ITSN1: variants seen among roughly 807,000 people sequenced by gnomAD.
ITSN1 encodes intersectin 1, also known as intersectin-1.
Under a neutral mutation model 239.8 loss-of-function variants are expected in ITSN1, and 58 were observed. The ratio of observed to expected loss-of-function variants is 0.24; its 90% CI spans 0.20 to 0.30. The LOEUF (loss-of-function observed/expected upper bound fraction) is 0.30. Ranked by LOEUF, ITSN1 falls within the 10% of genes least tolerant of loss-of-function variation. The pLI, the probability that ITSN1 is intolerant of heterozygous loss-of-function variation, is 1.00. For missense variants in ITSN1, 1,558 were observed against 2,103.3 expected (o/e 0.74, Z 5.07); for synonymous variants, 780 against 770.8 (o/e 1.01, Z -0.20).
chr21:33,768,316 C>G (rs908251977), intron 11 of ITSN1, among the ~76,000 whole-genome samples: 1 of 152,164 alleles, frequency 6.6e-6, no homozygotes, highest in African/African-American at 2.4e-5. Context: ...GAGTCTCACT[C>G]TGTTACCCAG....
intron 1 of ITSN1, among the ~76,000 whole-genome samples, chr21:33,714,642 A>G (rs929314439): frequency 3.9e-5 from 6 of 152,190 alleles, no homozygotes; most frequent in South Asian, 4.1e-4. Flanking sequence ...ATCTATATCT[A>G]TAAGTAAAAA....
chr21:33,735,243 A>G (rs2066424302), intron 5 of ITSN1, 39 bp downstream of exon 5: 2 of 1,582,992 alleles, frequency 1.3e-6, no homozygotes, highest in Admixed American at 1.7e-5. Context: ...ATTTTCTTGT[A>G]TATTTTAAAA....
intron 1 of ITSN1, among the ~76,000 whole-genome samples, chr21:33,693,313 A>G (rs1453393707): frequency 1.3e-5 from 2 of 148,718 alleles, no homozygotes; most frequent in Non-Finnish European, 1.5e-5. Context: ...CTTTGCTCAT[A>G]CCCTTCTTGC....
At chr21:33,748,153 T>G (rs1461807094) in intron 5 of ITSN1, among the ~76,000 whole-genome samples, 1 of 152,152 alleles carries the variant, frequency 6.6e-6, no homozygotes, top group Non-Finnish European at 1.5e-5. Context: ...GAGATTTTAA[T>G]CCCTACAACA....
chr21:33,783,085 A>C (rs1460153551), intron 16 of ITSN1, among the ~76,000 whole-genome samples: 1 of 152,236 alleles, frequency 6.6e-6, no homozygotes, highest in African/African-American at 2.4e-5. Context: ...TCTTATAAAC[A>C]ATCATATACT....
intron 16 of ITSN1, among the ~76,000 whole-genome samples, chr21:33,793,993 A>T (rs959322992): frequency 2.6e-5 from 4 of 152,230 alleles, no homozygotes; most frequent in African/African-American, 9.7e-5. Flanking sequence ...CTTAAGTTTT[A>T]TTCATGATCA....
chr21:33,715,464 T>TA (rs1265130600), intron 1 of ITSN1, among the ~76,000 whole-genome samples: 1 of 152,208 alleles, frequency 6.6e-6, no homozygotes, highest in Non-Finnish European at 1.5e-5. Context: ...ATCCAGAGCT[T>TA]ACCATTTTTG....
intron 1 of ITSN1, among the ~76,000 whole-genome samples, chr21:33,689,078 G>T (rs967483484): frequency 3.3e-5 from 5 of 152,160 alleles, no homozygotes; most frequent in Admixed American, 2.6e-4. Context: ...CTCCCAAAGT[G>T]CTGGGATTAC....
At chr21:33,776,989 C>T (rs769283102) in intron 14 of ITSN1, among the ~76,000 whole-genome samples, 7 of 151,622 alleles carry the variant, frequency 4.6e-5, no homozygotes, top group Non-Finnish European at 1.0e-4. Flanking sequence ...CTTTGACTAC[C>T]CCATGACTGC....
chr21:33,753,849 A>G (rs1343791730), intron 7 of ITSN1, among the ~76,000 whole-genome samples: 1 of 151,258 alleles, frequency 6.6e-6, no homozygotes, highest in East Asian at 2.0e-4. Flanking sequence ...CAATTTTGAA[A>G]TCTGCTTTAT....
chr21:33,772,279 C>T lies in ITSN1; in HGVS notation c.1261C>T (p.Arg421Trp), dbSNP rs1308860031. ...ACTGGAAAAGCAGCGGGAGCTAGAACGGCAGAGAGAGGAGGAGAGGAGGAA... is the reference window on the plus strand; with the variant it reads ...ACTGGAAAAGCAGCGGGAGCTAGAATGGCAGAGAGAGGAGGAGAGGAGGAA... ...KQLEKQRELE[R>W]QREEERRKEI... The change falls in exon 12 of 40, where the codon CGG becomes TGG. Residue 421 changes from arginine to tryptophan, a missense_variant. Arg to Trp is a moderately radical substitution (Grantham distance 101). Transcript: ENST00000381318. 1.3e-5 allele frequency: 20 copies of T among 1,574,082 alleles called. No homozygotes were observed. Among genetic ancestry groups the T allele is most frequent in the African/African-American group, 4.1e-5 (3 of 73,966 alleles).
intron 11 of ITSN1, among the ~76,000 whole-genome samples, chr21:33,771,326 C>G (rs562705918): frequency 2.6e-5 from 4 of 152,160 alleles, no homozygotes; most frequent in Non-Finnish European, 5.9e-5. Flanking sequence ...GCATGCTGCA[C>G]AGGGTGGCAA....
chr21:33,850,340 T>C (rs1247883436), intron 29 of ITSN1, among the ~76,000 whole-genome samples: 4 of 152,204 alleles, frequency 2.6e-5, no homozygotes, highest in Non-Finnish European at 5.9e-5. Flanking sequence ...GTGGGATACC[T>C]GAGCTCTGCT....
At chr21:33,793,635 A>G (rs1332169429) in intron 16 of ITSN1, among the ~76,000 whole-genome samples, 1 of 152,214 alleles carries the variant, frequency 6.6e-6, no homozygotes, top group Non-Finnish European at 1.5e-5. Context: ...AATTACTGCT[A>G]TTCCTGCAGC....
At chr21:33,765,489 G>T (rs571167508) in intron 9 of ITSN1, among the ~76,000 whole-genome samples, 1 of 152,308 alleles carries the variant, frequency 6.6e-6, no homozygotes, top group Admixed American at 6.5e-5. Context: ...CATGACTGCA[G>T]TGAGTCTGCA....
At chr21:33,837,429 CTATTAAAA>C (rs2074659205) in intron 29 of ITSN1, 1 of 986,686 alleles carries the variant, frequency 1.0e-6, no homozygotes, top group South Asian at 4.7e-5. Flanking sequence ...GCTGCATGTG[CTATTAAAA>C]ATTGTTCCAA....
chr21:33,647,535 A>T (rs1357461827), intron 1 of ITSN1, among the ~76,000 whole-genome samples: 1 of 151,934 alleles, frequency 6.6e-6, no homozygotes. Context: ...TCAGTCTGTT[A>T]CCCAGGCTGG....
intron 34 of ITSN1, among the ~76,000 whole-genome samples, chr21:33,876,533 C>T (rs1483833300): frequency 6.6e-6 from 1 of 152,096 alleles, no homozygotes; most frequent in Admixed American, 6.6e-5. Flanking sequence ...CCCAGCTATG[C>T]TGGTTTCTTT....
intron 14 of ITSN1, among the ~76,000 whole-genome samples, chr21:33,778,146 C>G (rs1368909995): frequency 6.6e-6 from 1 of 152,154 alleles, no homozygotes; most frequent in Non-Finnish European, 1.5e-5. Context: ...TGGTATATTA[C>G]CCTTTATTAA....
Sources: allele counts gnomAD v4.1 joint callset (sites outside exome capture counted in the v4.1 genomes callset), GRCh38; gene constraint gnomAD v4.1.1; transcripts MANE v1.5; gene names NCBI Gene and HGNC (gene_info 2026-07-23, HGNC 2026-07-21).